TENM1: variants seen among roughly 807,000 people sequenced by gnomAD.
TENM1 encodes the protein teneurin transmembrane protein 1.
Under a neutral mutation model 174.8 loss-of-function variants are expected in TENM1, and 35 were observed. That is an observed-to-expected ratio of 0.20 (90% CI 0.15 to 0.27). The LOEUF (loss-of-function observed/expected upper bound fraction) is 0.27, where lower values mean the gene tolerates loss of function less well. Ranked by LOEUF, TENM1 falls within the 10% of genes least tolerant of loss-of-function variation. The pLI is 1.00. For synonymous variants in TENM1, 781 were observed against 798.7 expected (o/e 0.98, Z 0.37); for missense variants, 1,633 against 2,130.1 (o/e 0.77, Z 4.59).
chrX:125,092,893 A>G, the TENM1 span, among the ~76,000 whole-genome samples: 1 of 112,104 alleles, frequency 8.9e-6, no homozygotes, highest in Non-Finnish European at 1.9e-5. Flanking sequence ...TTGGAACTTG[A>G]TTTTGTAGCT....
At chrX:124,651,496 AAAG>A (rs1389346311) in intron 8 of TENM1, among the ~76,000 whole-genome samples, 1 of 112,222 alleles carries the variant, frequency 8.9e-6, no homozygotes, top group Non-Finnish European at 1.9e-5. Context: ...CAGTTGTTCT[AAAG>A]AAGAACTGTA....
chrX:124,596,878 A>C (rs2049904436), intron 11 of TENM1, among the ~76,000 whole-genome samples: 2 of 111,444 alleles, frequency 1.8e-5, no homozygotes. Flanking sequence ...ATGGAGTAGA[A>C]GGAAGAAGAG....
chrX:124,459,931 C>T (rs1370747656), intron 22 of TENM1, among the ~76,000 whole-genome samples: 1 of 111,992 alleles, frequency 8.9e-6, no homozygotes, highest in African/African-American at 3.2e-5. Context: ...CATGAACAAA[C>T]ACTTCTCAAA....
At chrX:124,879,299 T>C (rs2057264047) in intron 3 of TENM1, among the ~76,000 whole-genome samples, 1 of 112,125 alleles carries the variant, frequency 8.9e-6, no homozygotes, top group Admixed American at 9.4e-5. Flanking sequence ...TCCCATCCTC[T>C]GGTATCTATC....
chrX:125,185,007 C>T, the TENM1 span, among the ~76,000 whole-genome samples: 26 of 111,492 alleles, frequency 2.3e-4, no homozygotes, highest in South Asian at 3.8e-4. Context: ...ACATTTACCA[C>T]GAAAAAAGGC....
chrX:125,197,562 TC>T, the TENM1 span, among the ~76,000 whole-genome samples: 5 of 111,340 alleles, frequency 4.5e-5, no homozygotes, highest in African/African-American at 1.6e-4. Flanking sequence ...TTCTACAAGT[TC>T]CGTGATAATT....
chrX:125,134,835 T>C, the TENM1 span, among the ~76,000 whole-genome samples: 1 of 111,918 alleles, frequency 8.9e-6, no homozygotes, highest in Non-Finnish European at 1.9e-5. Context: ...CCCTTCACAA[T>C]GAAATTTATG....
At chrX:124,963,478 C>T in intron 1 of TENM1, 59 bp downstream of exon 4, 2 of 1,024,553 alleles carry the variant, frequency 2.0e-6, no homozygotes, top group South Asian at 4.2e-5. Flanking sequence ...AAAGTTTATG[C>T]ACACAAGCAT....
In TENM1 at chrX:124,884,705, T is replaced by C. The variant is rs1240228269; in HGVS notation, c.535+9591A>G. On this transcript the variant is annotated intron_variant, in intron 3 of 31. Coordinates refer to ENST00000422452, the Ensembl canonical transcript of TENM1. ...GATGATGTATTTGAAGTGTGATTAC[T>C]AGCTATTTTGGTTCTTCTTTGTGGA... Among the ~76,000 whole-genome samples the C allele has an allele frequency of 4.5e-5, 5 of 112,135 alleles. No homozygotes were observed. In the East Asian group the frequency reaches 1.1e-3, roughly 25 times the overall value.
chrX:124,465,215 A>T (rs1011672815), intron 22 of TENM1, among the ~76,000 whole-genome samples: 1 of 112,213 alleles, frequency 8.9e-6, no homozygotes, highest in Non-Finnish European at 1.9e-5. Context: ...TGAAAGCTCA[A>T]CACAAGTGAT....
intron 3 of TENM1, among the ~76,000 whole-genome samples, chrX:124,893,281 C>T (rs2057505435): frequency 8.9e-6 from 1 of 112,421 alleles, no homozygotes; most frequent in Admixed American, 9.4e-5. Flanking sequence ...TGCATACACA[C>T]ATGATCCAAA....
the TENM1 span, among the ~76,000 whole-genome samples, chrX:125,163,022 C>T: frequency 1.8e-5 from 2 of 111,433 alleles, no homozygotes; most frequent in Non-Finnish European, 3.8e-5. Flanking sequence ...CCAGAGTTAC[C>T]AATGCTGCCC....
At chrX:124,888,887 G>A (rs2057431158) in intron 3 of TENM1, among the ~76,000 whole-genome samples, 2 of 112,096 alleles carry the variant, frequency 1.8e-5, no homozygotes, top group African/African-American at 6.5e-5. Context: ...ACTAAGACTT[G>A]GAGATCTTTA....
the TENM1 span, among the ~76,000 whole-genome samples, chrX:125,171,093 A>G: frequency 9.0e-6 from 1 of 110,879 alleles, no homozygotes; most frequent in African/African-American, 3.3e-5. Flanking sequence ...TTTTGTATCT[A>G]TTATATCCCA....
chrX:124,523,689 A>G, intron 16 of TENM1, 64 bp from the exon 20 acceptor site: 5 of 1,105,554 alleles, frequency 4.5e-6, no homozygotes, highest in Non-Finnish European at 4.9e-6. Context: ...CAGTTAAAAA[A>G]TAGGTTAATT....
intron 21 of TENM1, among the ~76,000 whole-genome samples, chrX:124,483,188 C>T (rs1275646234): frequency 8.9e-6 from 1 of 111,928 alleles, no homozygotes; most frequent in African/African-American, 3.2e-5. Context: ...TTAATTCATT[C>T]TTACATGTCT....
chrX:124,793,625 G>A (rs982842398), intron 3 of TENM1, among the ~76,000 whole-genome samples: 1 of 111,688 alleles, frequency 9.0e-6, no homozygotes, highest in Admixed American at 9.5e-5. Flanking sequence ...ATGCCTTGGT[G>A]AATTTAGAAA....
chrX:124,435,143 A>G (rs1453858415), intron 23 of TENM1, among the ~76,000 whole-genome samples: 1 of 111,594 alleles, frequency 9.0e-6, no homozygotes, highest in Non-Finnish European at 1.9e-5. Flanking sequence ...GCTGGTCTTA[A>G]CACAGTAGGA....
At chrX:125,129,282 A>C in the TENM1 span, among the ~76,000 whole-genome samples, 1 of 112,075 alleles carries the variant, frequency 8.9e-6, no homozygotes, top group Non-Finnish European at 1.9e-5. Context: ...GCTCATATCC[A>C]AAGTCCTACA....
Sources: allele counts gnomAD v4.1 joint callset (sites outside exome capture counted in the v4.1 genomes callset), GRCh38; gene constraint gnomAD v4.1.1; transcripts MANE v1.5; gene names NCBI Gene and HGNC (gene_info 2026-07-23, HGNC 2026-07-21).